The following TESMIN variants were observed in gnomAD, a reference collection of about 807,000 sequenced individuals.
TESMIN encodes testis expressed metallothionein like protein, also known as CXC domain containing 2.
A neutral mutation model predicts 47.4 loss-of-function variants in TESMIN; 34 were observed. The ratio of observed to expected loss-of-function variants is 0.72; its 90% CI spans 0.55 to 0.96. The LOEUF is 0.96. Ranked by LOEUF, TESMIN falls within the 40% of genes least tolerant of loss-of-function variation. The pLI is 0.00. For synonymous variants in TESMIN, 278 were observed against 258.9 expected (o/e 1.07, Z -0.71); for missense variants, 610 against 637.2 (o/e 0.96, Z 0.46).
intron 6 of TESMIN, among the ~76,000 whole-genome samples, chr11:68,725,296 A>G (rs1046675074): frequency 3.9e-5 from 6 of 152,238 alleles, no homozygotes; most frequent in African/African-American, 1.4e-4. Flanking sequence ...CCTAATGCCA[A>G]TCACGAAAAT....
chr11:68,707,147 C>T (rs1946006576), downstream of TESMIN, among the ~76,000 whole-genome samples: 1 of 152,244 alleles, frequency 6.6e-6, no homozygotes, highest in Admixed American at 6.5e-5. Flanking sequence ...AGAATTCAGT[C>T]TTCCTTTTCT....
intron 3 of TESMIN, among the ~76,000 whole-genome samples, chr11:68,745,970 T>A (rs1946515287): frequency 6.6e-6 from 1 of 152,226 alleles, no homozygotes; most frequent in Admixed American, 6.5e-5. Flanking sequence ...ACAGAGCAGC[T>A]GTGCTTTATA....
intron 6 of TESMIN, 79 bp downstream of exon 6, chr11:68,738,621 T>G: frequency 6.3e-7 from 1 of 1,589,520 alleles, no homozygotes; most frequent in Non-Finnish European, 8.6e-7. Context: ...TTTTATAGTA[T>G]AGAAGAAAAT....
rs1432206665 is a variant in TESMIN, at chr11:68,738,601, G to A, written c.917+99C>T. ...TTCTCAGAAGTCATGAAGGTGTGCA[G>A]TGAAGCTCATTTTATAGTATAGAAG... On this transcript the variant is annotated intron_variant, in intron 6 of 9. Transcript: ENST00000255087. The A allele has an allele frequency of 6.4e-6, 10 of 1,557,538 alleles. No homozygotes were observed. The African/African-American group carries it at 1.4e-4, about 21-fold the overall frequency.
rs769184583 is a variant in TESMIN, at chr11:68,708,472, C to T, written c.1363G>A (p.Val455Met). The part of the protein sequence containing the change: ...RRPSSCISWE[V>M]VEATCACLLA... ...AGGCAGGCGCATGTGGCCTCCACCA[C>T]CTCCCAGGAGATGCATGAGGAAGGC... Residue 455 changes from valine to methionine, a missense_variant, in exon 10 of 10, where the codon GTG becomes ATG. Val to Met is a conservative substitution (Grantham distance 21, BLOSUM62 1). Coordinates refer to ENST00000255087, the MANE Select transcript of TESMIN (RefSeq NM_004923.3). 2.5e-6 allele frequency: 4 copies of T among 1,611,810 alleles called. No individual in the cohort carries two copies. The Admixed American group carries it at 5.0e-5, about 20-fold the overall frequency.
intron 3 of TESMIN, among the ~76,000 whole-genome samples, chr11:68,746,626 G>A (rs1364825046): frequency 1.3e-5 from 2 of 152,186 alleles, no homozygotes; most frequent in African/African-American, 2.4e-5. Flanking sequence ...TGCCACGTGA[G>A]ATCTGGAGTC....
chr11:68,719,501 A>G (rs1214400080), intron 6 of TESMIN, among the ~76,000 whole-genome samples: 3 of 152,190 alleles, frequency 2.0e-5, no homozygotes, highest in Non-Finnish European at 4.4e-5. Flanking sequence ...TTCCCACAGT[A>G]CAAAAACAAT....
chr11:68,720,211 G>A (rs756131205), intron 6 of TESMIN, among the ~76,000 whole-genome samples: 10 of 151,990 alleles, frequency 6.6e-5, no homozygotes, highest in Admixed American at 6.6e-5. Flanking sequence ...TTTTTTCACC[G>A]TACACTCTTT....
chr11:68,705,461 T>C (rs1373815914), downstream of TESMIN, among the ~76,000 whole-genome samples: 1 of 152,118 alleles, frequency 6.6e-6, no homozygotes, highest in Admixed American at 6.5e-5. Context: ...CACCAAGCCT[T>C]CTGCTGACCT....
At position 68,747,334 on chromosome 11, in the gene TESMIN, T is replaced by G. The variant is rs760995498; in HGVS notation, c.504A>C (p.Thr168=). 4.3e-6 allele frequency: 7 copies of G among 1,614,030 alleles called. No individual in the cohort carries two copies. In the East Asian group the frequency reaches 1.1e-4, roughly 26 times the overall value. ...VEIKEAGGTT[T]SNNPEEATLQ... is the part of the protein sequence containing the mutation. ...AAGTTGCTTCTTCCGGATTATTACT[T>G]GTAGTAGTACCACCTGCTTCCTTGA... Residue 168 remains threonine, a synonymous_variant, in exon 3 of 10, where the codon ACA becomes ACC. Coordinates refer to ENST00000255087, the MANE Select transcript of TESMIN (RefSeq NM_004923.3).
intron 1 of TESMIN, among the ~76,000 whole-genome samples, chr11:68,751,157 G>A (rs1410032789): frequency 1.2e-4 from 1 of 8,074 alleles, no homozygotes; most frequent in Admixed American, 9.0e-4. Context: ...CCAGGAGAGG[G>A]GCCGGCCGGG....
chr11:68,742,460 G>A (rs1034506292), intron 4 of TESMIN, 66 bp from the exon 5 acceptor site: 20 of 1,050,354 alleles, frequency 1.9e-5, no homozygotes, highest in Non-Finnish European at 2.8e-5. Context: ...ACACGTGGAT[G>A]AAAGTACAAA....
At chr11:68,719,502 C>A (rs528291178) in intron 6 of TESMIN, among the ~76,000 whole-genome samples, 1 of 152,140 alleles carries the variant, frequency 6.6e-6, no homozygotes, top group East Asian at 1.9e-4. Flanking sequence ...TCCCACAGTA[C>A]AAAAACAATA....
chr11:68,710,106 T>G lies in TESMIN; in HGVS notation c.1334+768A>C, dbSNP rs547495932. 1.1e-4 allele frequency among the ~76,000 whole-genome samples: 16 copies of G among 152,248 alleles called. No homozygotes were observed. The East Asian group carries it at 2.9e-3, about 28-fold the overall frequency. On this transcript the variant is annotated intron_variant, in intron 9 of 9. Coordinates refer to ENST00000255087, the MANE Select transcript of TESMIN (RefSeq NM_004923.3). Reference sequence around the variant, plus strand: ...CTGGGGAGGTTGAGGCTGCGTGAGCTGTGATCGCACCACTGCACTCCAGCC... The same window carrying G: ...CTGGGGAGGTTGAGGCTGCGTGAGCGGTGATCGCACCACTGCACTCCAGCC...
chr11:68,745,110 A>T lies in TESMIN; in HGVS notation c.632T>A (p.Val211Glu). 1 of 1,575,608 alleles carries T rather than the reference A, an allele frequency of 6.3e-7. No individual in the cohort carries two copies. Among genetic ancestry groups the T allele is most frequent in the Non-Finnish European group, 8.5e-7 (1 of 1,170,448 alleles). ...CSLKKDSNPM[V>E]ICQLKGGTQM... is the part of the protein sequence containing the mutation. Reference sequence around the variant, plus strand: ...TGTGCCCCCTTTCAATTGGCATATCACCTAAAATGAAAAAGAACAATCAGG... The same window carrying T: ...TGTGCCCCCTTTCAATTGGCATATCTCCTAAAATGAAAAAGAACAATCAGG... Residue 211 changes from valine to glutamate, a missense_variant and splice_region_variant, in exon 4 of 10, where the codon GTG becomes GAG. Coordinates refer to ENST00000255087, the MANE Select transcript of TESMIN (RefSeq NM_004923.3).
rs964845249 is a variant in TESMIN, at chr11:68,707,501, A to G, written c.*807T>C. On this transcript the variant is annotated 3_prime_UTR_variant, in exon 10 of 10. Transcript: ENST00000255087. ...ACAACAGAACCAAAAGCGTCAACTT[A>G]AGAATTCATTTTACCTGCTGGTTTC... The G allele has an allele frequency of 3.5e-4, 65 of 183,272 alleles. No homozygotes were observed. Among genetic ancestry groups the G allele is most frequent in the African/African-American group, 1.3e-3 (58 of 43,192 alleles). 11.4% of individuals were successfully genotyped at this position (183,272 alleles called of 1,614,324 possible). A position where few individuals can be genotyped will look rare whatever the true frequency, so the allele number is the denominator to read the frequency against.
chr11:68,726,646 A>T (rs186284516), intron 6 of TESMIN, among the ~76,000 whole-genome samples: 23 of 152,328 alleles, frequency 1.5e-4, no homozygotes, highest in African/African-American at 5.5e-4. Context: ...AAGCAACAAG[A>T]GACTACCAAA....
At chr11:68,741,950 G>A (rs570639494) in intron 5 of TESMIN, among the ~76,000 whole-genome samples, 35 of 152,354 alleles carry the variant, frequency 2.3e-4, no homozygotes, top group Non-Finnish European at 3.7e-4. Context: ...AATCATAAAA[G>A]CAAACTTTAA....
At chr11:68,743,157 G>A (rs897437560) in intron 4 of TESMIN, among the ~76,000 whole-genome samples, 4 of 152,030 alleles carry the variant, frequency 2.6e-5, no homozygotes, top group South Asian at 2.1e-4. Context: ...GATTACAGGC[G>A]TGAGCCAGCA....
Sources: allele counts gnomAD v4.1 joint callset (sites outside exome capture counted in the v4.1 genomes callset), GRCh38; gene constraint gnomAD v4.1.1; transcripts MANE v1.5; gene names NCBI Gene and HGNC (gene_info 2026-07-23, HGNC 2026-07-21).